Variants in DENND5B observed in about 807,000 individuals in gnomAD.
DENND5B encodes DENN domain-containing protein 5B.
A neutral mutation model predicts 140.6 loss-of-function variants in DENND5B; 34 were observed. That is an observed-to-expected ratio of 0.24 (90% CI 0.18 to 0.32). The LOEUF is 0.32. DENND5B is among the 10% of genes least tolerant of loss of function. DENND5B has a pLI of 1.00. For synonymous variants in DENND5B, 551 were observed against 562.1 expected, an observed-to-expected ratio of 0.98 and a Z score of 0.28; for missense variants, 1,142 against 1,560.2, an observed-to-expected ratio of 0.73 and a Z score of 4.52.
Position 31,587,526 on chromosome 12 carries a change from CTTTTTTTTTTTTTTTTTTTTTTTTT to C in DENND5B, c.127+3155_127+3179del, listed in dbSNP as rs71460995. Among the ~76,000 whole-genome samples the C allele has an allele frequency of 4.0e-4, 30 of 75,038 alleles. 2 individuals are homozygous for C. In the South Asian group the frequency reaches 9.7e-3, roughly 24 times the overall value. 49.2% of individuals were successfully genotyped at this position (75,038 alleles called of 152,430 possible). On this transcript the variant is annotated intron_variant, in intron 1 of 20. Transcript: ENST00000389082. ...CAACAACTTCTCTCACCACAAATACCTTTTTTTTTTTTTTTTTTTTTTTTTTTTTTTTTTTTTTTGAGACAGAGTC... is the reference window on the plus strand; with the variant it reads ...CAACAACTTCTCTCACCACAAATACCTTTTTTTTTTTTTTGAGACAGAGTC...
At chr12:31,513,592 T>C in intron 1 of DENND5B, among the ~76,000 whole-genome samples, 2 of 152,210 alleles carry the variant, frequency 1.3e-5, no homozygotes, top group East Asian at 3.9e-4. Flanking sequence ...GTTTGGGCCA[T>C]TTACAACTCT....
At chr12:31,396,309 A>C (rs1332297987) in intron 17 of DENND5B, 2 of 151,214 alleles carry the variant, frequency 1.3e-5, no homozygotes, top group Non-Finnish European at 2.9e-5. Flanking sequence ...ACCTCAGGTG[A>C]TCCACCCACC....
intron 15 of DENND5B, among the ~76,000 whole-genome samples, chr12:31,400,604 A>G (rs1045938971): frequency 6.6e-6 from 1 of 152,116 alleles, no homozygotes; most frequent in Non-Finnish European, 1.5e-5. Flanking sequence ...GTAGATGTGT[A>G]TATTTATGGA....
chr12:31,540,600 G>A (rs554266244), intron 1 of DENND5B, among the ~76,000 whole-genome samples: 1 of 151,976 alleles, frequency 6.6e-6, no homozygotes, highest in Non-Finnish European at 1.5e-5. Flanking sequence ...GTTGTAGTGA[G>A]CCAAGACTGT....
intron 5 of DENND5B, among the ~76,000 whole-genome samples, chr12:31,448,748 C>T (rs1944381787): frequency 6.6e-6 from 1 of 152,122 alleles, no homozygotes; most frequent in African/African-American, 2.4e-5. Flanking sequence ...TGGTGGTGGC[C>T]ACCTACAGTC....
At chr12:31,412,005 GCT>G (rs1168178646) in intron 13 of DENND5B, among the ~76,000 whole-genome samples, 7 of 151,972 alleles carry the variant, frequency 4.6e-5, no homozygotes, top group Non-Finnish European at 8.8e-5. Flanking sequence ...ACAGGGTCTC[GCT>G]CTGTTGCCCA....
At position 31,383,125 on chromosome 12, in the gene DENND5B, T is replaced by C. The variant is rs1940702199; in HGVS notation, c.*4478A>G. 6.6e-6 allele frequency: 1 copy of C among 152,182 alleles called. No homozygotes were observed. The highest frequency in any genetic ancestry group is 1.5e-5 in the Non-Finnish European group (1 of 68,020). The allele number at this position is 152,182 out of a possible 1,614,324, so 9.4% of individuals were successfully genotyped here. On this transcript the variant is annotated 3_prime_UTR_variant, in exon 21 of 21. Coordinates refer to ENST00000389082, the MANE Select transcript of DENND5B (RefSeq NM_144973.4). ...TAAATAGCTAAAGTTCAGATTGTCT[T>C]TTCAACATAGTGAAAAGGATACACT... is the stretch of plus-strand genomic sequence containing the variant.
At chr12:31,392,508 A>G in intron 18 of DENND5B, 106 bp downstream of exon 18, 5 of 1,536,994 alleles carry the variant, frequency 3.3e-6, no homozygotes, top group Non-Finnish European at 4.4e-6. Context: ...TACAGCTACC[A>G]GAAAGCTTAC....
At chr12:31,589,386 A>C (rs779304029) in intron 1 of DENND5B, among the ~76,000 whole-genome samples, 4 of 152,170 alleles carry the variant, frequency 2.6e-5, no homozygotes, top group Non-Finnish European at 5.9e-5. Context: ...TTATCTCTCC[A>C]AATTTTTTTT....
chr12:31,576,731 G>T (rs1156548358), intron 1 of DENND5B, among the ~76,000 whole-genome samples: 2 of 151,288 alleles, frequency 1.3e-5, no homozygotes, highest in Non-Finnish European at 1.5e-5. Flanking sequence ...AAAAAAAAAT[G>T]TTTTTTTTAA....
intron 1 of DENND5B, among the ~76,000 whole-genome samples, chr12:31,559,557 T>C (rs1256656307): frequency 6.6e-6 from 1 of 152,210 alleles, no homozygotes; most frequent in Non-Finnish European, 1.5e-5. Context: ...TTTACATCTT[T>C]AATTTTTATT....
At chr12:31,561,599 C>A (rs1949477097) in intron 1 of DENND5B, among the ~76,000 whole-genome samples, 1 of 152,204 alleles carries the variant, frequency 6.6e-6, no homozygotes, top group African/African-American at 2.4e-5. Context: ...TAGCCAACAT[C>A]TAACCACCTC....
rs554045069 is a variant in DENND5B, at chr12:31,382,600, A to G, written c.*5003T>C. On this transcript the variant is annotated 3_prime_UTR_variant, in exon 21 of 21. Coordinates refer to ENST00000389082, the MANE Select transcript of DENND5B (RefSeq NM_144973.4). ...CTGTTGACAAGATTTGGTGTTTAGAATCAAGATTGGATTCACACACAAGTA... is the reference window on the plus strand; with the variant it reads ...CTGTTGACAAGATTTGGTGTTTAGAGTCAAGATTGGATTCACACACAAGTA... 6.6e-6 allele frequency: 1 copy of G among 152,280 alleles called. No individual in the cohort carries two copies. The highest frequency in any genetic ancestry group is 2.4e-5 in the African/African-American group (1 of 41,550). The allele number at this position is 152,280 out of a possible 1,614,324, so 9.4% of individuals were successfully genotyped here. A position where few individuals can be genotyped will look rare whatever the true frequency, so the allele number is the denominator to read the frequency against.
intron 1 of DENND5B, among the ~76,000 whole-genome samples, chr12:31,523,192 G>C (rs909748091): frequency 2.0e-5 from 3 of 151,930 alleles, no homozygotes; most frequent in East Asian, 3.9e-4. Context: ...CCAAGAAACT[G>C]AGATTACCGG....
intron 7 of DENND5B, among the ~76,000 whole-genome samples, chr12:31,433,495 C>A (rs1220785269): frequency 1.3e-5 from 2 of 152,018 alleles, no homozygotes; most frequent in East Asian, 3.9e-4. Flanking sequence ...AAACTGAGGT[C>A]AAAAAGGCAC....
chr12:31,391,274 G>A (rs564353949), intron 19 of DENND5B, among the ~76,000 whole-genome samples: 11 of 152,254 alleles, frequency 7.2e-5, no homozygotes, highest in African/African-American at 2.6e-4. Flanking sequence ...TCAACCTGGA[G>A]TCCCTCCTCC....
In DENND5B at chr12:31,383,743, G is replaced by A. The variant is rs531683698; in HGVS notation, c.*3860C>T. On this transcript the variant is annotated 3_prime_UTR_variant, in exon 21 of 21. Coordinates refer to ENST00000389082, the MANE Select transcript of DENND5B (RefSeq NM_144973.4). ...GTCATTTTTAAGGCATATGACTCCC[G>A]ACCAGGGCACAGATCTCACACATGC... is the stretch of plus-strand genomic sequence containing the variant. 1.3e-5 allele frequency: 2 copies of A among 152,030 alleles called. No individual in the cohort carries two copies. The highest frequency in any genetic ancestry group is 2.1e-4 in the South Asian group (1 of 4,816). 9.4% of individuals were successfully genotyped at this position (152,030 alleles called of 1,614,324 possible). A position where few individuals can be genotyped will look rare whatever the true frequency, so the allele number is the denominator to read the frequency against.
At chr12:31,393,675 T>A (rs1941271362) in intron 17 of DENND5B, among the ~76,000 whole-genome samples, 1 of 152,130 alleles carries the variant, frequency 6.6e-6, no homozygotes, top group Non-Finnish European at 1.5e-5. Context: ...GCTCAAGGAT[T>A]TCTTGCATGA....
intron 11 of DENND5B, among the ~76,000 whole-genome samples, chr12:31,423,023 C>G (rs1227445211): frequency 2.0e-5 from 3 of 151,728 alleles, no homozygotes; most frequent in African/African-American, 7.3e-5. Flanking sequence ...TCACTGCAAC[C>G]TTTGCCTCCC....
Sources: gnomAD v4.1 joint callset for allele counts (sites outside exome capture counted in the v4.1 genomes callset) on GRCh38, gnomAD v4.1.1 for gene constraint, MANE v1.5 for transcripts, NCBI Gene and HGNC (gene_info 2026-07-23, HGNC 2026-07-21) for gene names.